The following PRKD1 variants were observed in gnomAD, a reference collection of about 807,000 sequenced individuals.
The protein encoded by PRKD1 is serine/threonine-protein kinase D1.
PRKD1 carries 63 observed loss-of-function variants against 95.9 expected under a neutral mutation model. The ratio of observed to expected loss-of-function variants is 0.66; its 90% confidence interval spans 0.54 to 0.81. The LOEUF is 0.81. Ranked by LOEUF, PRKD1 falls within the 30% of genes least tolerant of loss-of-function variation. The pLI is 0.00. For missense variants in PRKD1, 1,048 were observed against 1,165.3 expected (o/e 0.90, Z 1.47); for synonymous variants, 425 against 423.1 (o/e 1.00, Z -0.05).
chr14:29,780,569 C>A (rs1166667338), intron 1 of PRKD1, among the ~76,000 whole-genome samples: 1 of 152,190 alleles, frequency 6.6e-6, no homozygotes, highest in Non-Finnish European at 1.5e-5. Flanking sequence ...CAGAGAAATG[C>A]AAATCAAAAC....
At chr14:29,653,713 C>T (rs1881655255) in intron 4 of PRKD1, among the ~76,000 whole-genome samples, 1 of 151,842 alleles carries the variant, frequency 6.6e-6, no homozygotes, top group African/African-American at 2.4e-5. Context: ...ATGTCTTCTC[C>T]ATGTGAAAAA....
At chr14:29,895,786 A>G (rs1317607045) in intron 1 of PRKD1, among the ~76,000 whole-genome samples, 3 of 152,014 alleles carry the variant, frequency 2.0e-5, no homozygotes, top group African/African-American at 7.3e-5. Context: ...ACCTCATTTG[A>G]GTCTTTACTC....
chr14:29,866,221 C>G (rs543126678), intron 1 of PRKD1, among the ~76,000 whole-genome samples: 3 of 151,742 alleles, frequency 2.0e-5, no homozygotes, highest in Non-Finnish European at 2.9e-5. Flanking sequence ...AATACCTTAA[C>G]TATGCCATTT....
intron 2 of PRKD1, among the ~76,000 whole-genome samples, chr14:29,703,514 A>G (rs1046770918): frequency 2.6e-5 from 4 of 152,166 alleles, no homozygotes; most frequent in Non-Finnish European, 4.4e-5. Flanking sequence ...ACATAACTTT[A>G]TTCTTCTTTG....
In PRKD1 at chr14:29,725,590, C is replaced by G. The variant is rs1442490026; in HGVS notation, c.349G>C (p.Val117Leu). ...DPTSENILQL[V>L]KAASDIQEGD... ...TCCTGGATATCACTGGCCGCTTTCA[C>G]CAGCTGAAGGATGTTTTCAGAGGTA... is the stretch of plus-strand genomic sequence containing the variant. Residue 117 changes from valine (V) to leucine (L), a missense_variant, in exon 2 of 18, where the codon GTG becomes CTG. Coordinates refer to ENST00000331968, the MANE Select transcript of PRKD1 (RefSeq NM_002742.3). 1.2e-6 allele frequency: 2 copies of G among 1,613,642 alleles called. No individual in the cohort carries two copies. The highest frequency in any genetic ancestry group is 1.3e-5 in the African/African-American group (1 of 74,892).
At position 29,770,700 on chromosome 14, in the gene PRKD1, C is replaced by T. The variant is rs557543057; in HGVS notation, c.265-45026G>A. On this transcript the variant is annotated intron_variant, in intron 1 of 17. Coordinates refer to ENST00000331968, the MANE Select transcript of PRKD1 (RefSeq NM_002742.3). ...TATCTAAGGAGGTCAGGCATTGTGACTCACACCTGTAATCCCAGCACTTTG... is the reference window on the plus strand; with the variant it reads ...TATCTAAGGAGGTCAGGCATTGTGATTCACACCTGTAATCCCAGCACTTTG... Among the ~76,000 whole-genome samples, 5 of 152,176 alleles carry T rather than the reference C, an allele frequency of 3.3e-5. No individual in the cohort carries two copies. The East Asian group carries it at 9.6e-4, about 29-fold the overall frequency.
chr14:29,733,950 T>C (rs1332562249), intron 1 of PRKD1, among the ~76,000 whole-genome samples: 3 of 151,510 alleles, frequency 2.0e-5, no homozygotes. Context: ...TATTTTTCCA[T>C]CAAGTCTATC....
chr14:29,815,738 A>T (rs1056832235), intron 1 of PRKD1, among the ~76,000 whole-genome samples: 3 of 152,198 alleles, frequency 2.0e-5, no homozygotes, highest in African/African-American at 7.2e-5. Context: ...GTGTTTCTCA[A>T]ATAGCGCAAT....
intron 1 of PRKD1, among the ~76,000 whole-genome samples, chr14:29,844,804 C>T (rs1367227324): frequency 6.6e-6 from 1 of 152,150 alleles, no homozygotes; most frequent in Non-Finnish European, 1.5e-5. Flanking sequence ...ATGGCCCAGT[C>T]TCCCTCTAGT....
chr14:29,697,480 T>A, intron 2 of PRKD1, among the ~76,000 whole-genome samples: 1 of 152,238 alleles, frequency 6.6e-6, no homozygotes, highest in East Asian at 1.9e-4. Flanking sequence ...CAGTGTGGTA[T>A]GCATCATGTA....
intron 2 of PRKD1, among the ~76,000 whole-genome samples, chr14:29,721,647 A>G (rs571069437): frequency 1.1e-4 from 16 of 152,156 alleles, no homozygotes; most frequent in Non-Finnish European, 1.6e-4. Context: ...TTTACAGTTC[A>G]GTACCATACA....
intron 1 of PRKD1, among the ~76,000 whole-genome samples, chr14:29,755,386 A>G (rs1032136802): frequency 2.0e-5 from 3 of 152,184 alleles, no homozygotes; most frequent in African/African-American, 2.4e-5. Context: ...CATTTTCTAA[A>G]TTAATGATGT....
In PRKD1 at chr14:29,735,882, C is replaced by T. The variant is rs556477854; in HGVS notation, c.265-10208G>A. On this transcript the variant is annotated intron_variant, in intron 1 of 17. Transcript: ENST00000331968. The stretch of plus-strand genomic sequence containing the variant: ...TCAAATCCTAATTGTTATTATGTTT[C>T]TTTATAAGGGTGGCTGAGAAGACAT... Among the ~76,000 whole-genome samples, 8 of 152,144 alleles carry T rather than the reference C, an allele frequency of 5.3e-5. No individual in the cohort carries two copies. The South Asian group carries it at 6.2e-4, about 12-fold the overall frequency.
chr14:29,608,930 A>G (rs1878222629), intron 13 of PRKD1, among the ~76,000 whole-genome samples: 1 of 152,212 alleles, frequency 6.6e-6, no homozygotes, highest in South Asian at 2.1e-4. Context: ...ATTCACATTG[A>G]TATTAACTTA....
chr14:29,709,226 A>G (rs1885227062), intron 2 of PRKD1, among the ~76,000 whole-genome samples: 1 of 152,196 alleles, frequency 6.6e-6, no homozygotes. Flanking sequence ...AAGACATACA[A>G]TTTATTTCCT....
rs887580813 is a variant in PRKD1 at position 29,577,055 on chromosome 14, C to T, written c.*183G>A. 3.5e-4 allele frequency: 232 copies of T among 665,826 alleles called. 2 individuals are homozygous for T. The highest frequency in any genetic ancestry group is 6.1e-5 in the Non-Finnish European group (24 of 396,074). 41.2% of individuals were successfully genotyped at this position (665,826 alleles called of 1,614,324 possible). A position where few individuals can be genotyped will look rare whatever the true frequency, so the allele number is the denominator to read the frequency against. On this transcript the variant is annotated 3_prime_UTR_variant, in exon 18 of 18. Transcript: ENST00000331968. ...TTTGTTAATACAACACAGTTGGTCACACAAAATACAAATGCTTCTGTTGAT... is the reference window on the plus strand; with the variant it reads ...TTTGTTAATACAACACAGTTGGTCATACAAAATACAAATGCTTCTGTTGAT...
intron 16 of PRKD1, among the ~76,000 whole-genome samples, chr14:29,579,660 C>T (rs868234976): frequency 6.6e-6 from 1 of 152,232 alleles, no homozygotes; most frequent in Middle Eastern, 3.4e-3. Context: ...AAAGTGACTT[C>T]TACAGTCTTT....
At chr14:29,601,589 A>T (rs572915034) in intron 13 of PRKD1, among the ~76,000 whole-genome samples, 19 of 152,254 alleles carry the variant, frequency 1.2e-4, no homozygotes, top group African/African-American at 4.6e-4. Flanking sequence ...AAGCACATGG[A>T]GATAGTTGGG....
At position 29,927,469 on chromosome 14, in the gene PRKD1, G is replaced by A; in HGVS notation, c.44C>T (p.Pro15Leu). The change falls in exon 1 of 18, where the codon CCC becomes CTC. Residue 15 changes from proline to leucine, a missense_variant. Physicochemically the swap from Pro to Leu is moderately conservative, Grantham distance 98 (BLOSUM62 -3). Around this residue, in one of 3 missense-constraint regions of PRKD1, gnomAD observed 34 missense variants for 54.8 expected, o/e 0.62. Coordinates refer to ENST00000331968, the MANE Select transcript of PRKD1 (RefSeq NM_002742.3). ...CGCTGCGGCAGCTGCCGCCGCCACG[G>A]GCAGCAGCGGACTGGGCGGCCGCAG... is the stretch of plus-strand genomic sequence containing the variant. ...PVLRPPSPLL[P>L]VAAAAAAAAA... 7.8e-6 allele frequency: 10 copies of A among 1,282,746 alleles called. No homozygotes were observed. The highest frequency in any genetic ancestry group is 9.8e-6 in the Non-Finnish European group (10 of 1,020,098). The allele number at this position is 1,282,746 out of a possible 1,614,324, so 79.5% of individuals were successfully genotyped here. A position where few individuals can be genotyped will look rare whatever the true frequency, so the allele number is the denominator to read the frequency against.
Sources: gnomAD v4.1 joint callset for allele counts (sites outside exome capture counted in the v4.1 genomes callset) on GRCh38, gnomAD v4.1.1 for gene constraint, gnomAD v4.1.1 regional missense constraint, MANE v1.5 for transcripts, NCBI Gene and HGNC (gene_info 2026-07-23, HGNC 2026-07-21) for gene names.